DMXL1: variants seen among roughly 807,000 people sequenced by gnomAD.
DMXL1 encodes dmX-like protein 1.
DMXL1 carries 99 observed loss-of-function variants against 319.2 expected under a neutral mutation model. That is an observed-to-expected ratio of 0.31 (90% CI 0.26 to 0.37). The LOEUF (loss-of-function observed/expected upper bound fraction) is 0.37. DMXL1 is among the 10% of genes least tolerant of loss of function. The pLI is 1.00. For synonymous variants in DMXL1, 1,385 were observed against 1,235.2 expected, an observed-to-expected ratio of 1.12 and a Z score of -2.54; for missense variants, 3,745 against 3,595.6, an observed-to-expected ratio of 1.04 and a Z score of -1.06.
At chr5:119,210,757 G>GTTTTTTTTTTTTT in intron 34 of DMXL1, among the ~76,000 whole-genome samples, 3 of 89,778 alleles carry the variant, frequency 3.3e-5, no homozygotes, top group Non-Finnish European at 4.2e-5. Flanking sequence ...TTTTTCTTTC[G>GTTTTTTTTTTTTT]TTTTTTTTTT....
At chr5:119,099,850 A>G (rs538614122) in intron 2 of DMXL1, among the ~76,000 whole-genome samples, 1 of 152,150 alleles carries the variant, frequency 6.6e-6, no homozygotes, top group East Asian at 1.9e-4. Context: ...AATAATAAGT[A>G]AATAGCCGGA....
At chr5:119,153,303 G>T (rs1050364597) in intron 19 of DMXL1, among the ~76,000 whole-genome samples, 4 of 152,052 alleles carry the variant, frequency 2.6e-5, no homozygotes, top group Non-Finnish European at 5.9e-5. Context: ...TTTTTAGATT[G>T]TAATTTAGCA....
At chr5:119,121,764 GTCATCC>G (rs1440725729) in intron 9 of DMXL1, among the ~76,000 whole-genome samples, 1 of 152,212 alleles carries the variant, frequency 6.6e-6, no homozygotes, top group Non-Finnish European at 1.5e-5. Context: ...AACCGCCATT[GTCATCC>G]TGGCCCGTTC....
Position 119,167,609 on chromosome 5 carries a change from C to G in DMXL1, c.5143C>G (p.Leu1715Val), listed in dbSNP as rs771153362. The G allele has an allele frequency of 6.3e-7, 1 of 1,587,596 alleles. No homozygotes were observed. Among genetic ancestry groups the G allele is most frequent in the Non-Finnish European group, 8.6e-7 (1 of 1,165,838 alleles). ...ACAATATTTTTTTTTAAAGGTATGT[C>G]TTGAGAAATTGAATGACATTCAGTT... The part of the protein sequence containing the change: ...GCLRDAIEVC[L>V]EKLNDIQLAL... The change falls in exon 23 of 44, where the codon CTT (leucine) becomes GTT (valine). Residue 1715 changes from leucine to valine, a missense_variant. Physicochemically the swap from Leu to Val is conservative, Grantham distance 32. This residue lies in a region of DMXL1 where 1,382 missense variants were observed against 1,269.5 expected (regional missense o/e 1.09). Coordinates refer to ENST00000539542, the MANE Select transcript of DMXL1 (RefSeq NM_001290321.3).
rs199503677 is a variant in DMXL1 at position 119,196,462 on chromosome 5, A to G, written c.7543+6A>G. ...CGCAGGTCATGATCTTGCAGGTAAT[A>G]AATAGCTCAACATGAGCTAATGGTG... On this transcript the variant is annotated splice_donor_region_variant and intron_variant, in intron 31 of 43. Coordinates refer to ENST00000539542, the MANE Select transcript of DMXL1 (RefSeq NM_001290321.3). 1.4e-3 allele frequency: 2,304 copies of G among 1,604,528 alleles called. 2 individuals are homozygous for G. The highest frequency in any genetic ancestry group is 1.8e-3 in the Non-Finnish European group (2,107 of 1,172,238).
At chr5:119,125,232 C>G (rs1399090695) in intron 9 of DMXL1, among the ~76,000 whole-genome samples, 1 of 152,096 alleles carries the variant, frequency 6.6e-6, no homozygotes, top group African/African-American at 2.4e-5. Flanking sequence ...TGACTTTTTT[C>G]TCTTCAAGGG....
At chr5:119,096,080 A>G (rs1755886212) in intron 1 of DMXL1, among the ~76,000 whole-genome samples, 1 of 151,910 alleles carries the variant, frequency 6.6e-6, no homozygotes, top group African/African-American at 2.4e-5. Flanking sequence ...TAGCACATTC[A>G]TTTGTATGTT....
At chr5:119,092,955 A>G (rs1755118760) in intron 1 of DMXL1, among the ~76,000 whole-genome samples, 2 of 152,212 alleles carry the variant, frequency 1.3e-5, no homozygotes, top group South Asian at 4.1e-4. Context: ...GCTGGTATGA[A>G]CATTGATGTA....
intron 26 of DMXL1, among the ~76,000 whole-genome samples, chr5:119,175,899 T>A (rs1775704180): frequency 6.6e-6 from 1 of 152,112 alleles, no homozygotes; most frequent in East Asian, 1.9e-4. Context: ...TCTTTCTATA[T>A]CTATCTTTAG....
intron 1 of DMXL1, among the ~76,000 whole-genome samples, chr5:119,092,793 G>A (rs1394095420): frequency 6.6e-6 from 1 of 152,164 alleles, no homozygotes; most frequent in East Asian, 1.9e-4. Flanking sequence ...AAAATATGTG[G>A]TCTTTTGTAA....
rs138853935 is a variant in DMXL1 at position 119,116,824 on chromosome 5, T to C, written c.743+488T>C. Among the ~76,000 whole-genome samples, 1,293 of 152,310 alleles carry C rather than the reference T, an allele frequency of 8.5e-3. 26 individuals carry two copies. The highest frequency in any genetic ancestry group is 0.03 in the African/African-American group (1,232 of 41,582). On this transcript the variant is annotated intron_variant, in intron 7 of 43. Transcript: ENST00000539542. ...GTGAGGAAAAGAGAGAGTAGGTTAA[T>C]ACCCTACCTTATTCTTCTTTGAAAC...
intron 21 of DMXL1, among the ~76,000 whole-genome samples, chr5:119,165,643 C>G (rs949632282): frequency 6.6e-6 from 1 of 152,212 alleles, no homozygotes; most frequent in African/African-American, 2.4e-5. Context: ...ATTGGACTTA[C>G]AGTTCCACGT....
Position 119,175,349 on chromosome 5 carries a change from T to C in DMXL1, c.6758+12T>C, listed in dbSNP as rs1397044353. On this transcript the variant is annotated intron_variant, in intron 26 of 43. Coordinates refer to ENST00000539542, the MANE Select transcript of DMXL1 (RefSeq NM_001290321.3). ...AGTCATAACTACAGGTAACTATCTT[T>C]TTATGAAATTTAAGAATGCTTACAG... is the stretch of plus-strand genomic sequence containing the variant. 3 of 1,586,428 alleles carry C rather than the reference T, an allele frequency of 1.9e-6. No individual in the cohort carries two copies. Among genetic ancestry groups the C allele is most frequent in the African/African-American group, 2.7e-5 (2 of 74,304 alleles).
At chr5:119,081,999 A>T (rs940023779) in intron 1 of DMXL1, among the ~76,000 whole-genome samples, 38 of 60,984 alleles carry the variant, frequency 6.2e-4, no homozygotes, top group South Asian at 1.6e-3. Flanking sequence ...TCTTAAGGTT[A>T]TATATATATA....
chr5:119,096,240 G>A (rs989131332), intron 1 of DMXL1, among the ~76,000 whole-genome samples: 5 of 150,446 alleles, frequency 3.3e-5, no homozygotes, highest in South Asian at 4.2e-4. Context: ...GCAGTGGCGC[G>A]ATCTCAGCTT....
chr5:119,235,659 C>G (rs1787611707), intron 39 of DMXL1, among the ~76,000 whole-genome samples: 1 of 152,062 alleles, frequency 6.6e-6, no homozygotes, highest in Non-Finnish European at 1.5e-5. Context: ...GTTTGTGTAA[C>G]TTTTGGTTTT....
At chr5:119,233,006 C>G (rs116597077) in intron 38 of DMXL1, among the ~76,000 whole-genome samples, 2 of 150,782 alleles carry the variant, frequency 1.3e-5, no homozygotes, top group Non-Finnish European at 3.0e-5. Flanking sequence ...TGATTCTAAC[C>G]TAAGAATTTC....
In DMXL1 at chr5:119,170,965, A is replaced by G. The variant is rs116143127; in HGVS notation, c.6174A>G (p.Gln2058=). Residue 2058 remains glutamine (Q), a synonymous_variant, in exon 24 of 44, where the codon CAA becomes CAG. Transcript: ENST00000539542. ...YEIDGGKLRY[Q]LYHWLEKEVI... ...TAGATGGTGGAAAATTGCGTTACCA[A>G]CTATACCACTGGCTTGAAAAAGAGG... is the stretch of plus-strand genomic sequence containing the variant. The G allele has an allele frequency of 6.0e-4, 976 of 1,613,820 alleles. 7 individuals are homozygous for G. The African/African-American group carries it at 0.011, about 18-fold the overall frequency.
chr5:119,110,406 T>C (rs1334052656), intron 5 of DMXL1, 123 bp downstream of exon 5: 16 of 858,180 alleles, frequency 1.9e-5, no homozygotes, highest in East Asian at 3.0e-5. Flanking sequence ...GTCTATGATA[T>C]GCTTTTTCTT....
Sources: allele counts gnomAD v4.1 joint callset (sites outside exome capture counted in the v4.1 genomes callset), GRCh38; gene constraint gnomAD v4.1.1; regional missense constraint gnomAD v4.1.1; transcripts MANE v1.5; gene names NCBI Gene and HGNC (gene_info 2026-07-23, HGNC 2026-07-21).